ARF3: variants seen among roughly 807,000 people sequenced by gnomAD.
The protein encoded by ARF3 is ADP-ribosylation factor 3.
A neutral mutation model predicts 19.3 loss-of-function variants in ARF3; 5 were observed. The ratio of observed to expected loss-of-function variants is 0.26; its 90% CI spans 0.14 to 0.54. The LOEUF (loss-of-function observed/expected upper bound fraction) is 0.54, where lower values mean the gene tolerates loss of function less well. Ranked by LOEUF, ARF3 falls within the 20% of genes least tolerant of loss-of-function variation. ARF3 has a pLI of 0.95. For missense variants in ARF3, 77 were observed against 234.2 expected, an observed-to-expected ratio of 0.33 and a Z score of 4.38; for synonymous variants, 71 against 89.2, an observed-to-expected ratio of 0.80 and a Z score of 1.15.
At chr12:48,950,602 C>A (rs1940448459) in intron 1 of ARF3, among the ~76,000 whole-genome samples, 1 of 152,096 alleles carries the variant, frequency 6.6e-6, no homozygotes, top group Admixed American at 6.6e-5. Context: ...GTAACTATCA[C>A]AACTATTCAT....
chr12:48,941,100 A>G lies in ARF3; in HGVS notation c.-5T>C. Reference sequence around the variant, plus strand: ...GTTTCCAAAGATATTGCCCATGATCACAGCAGCTGCTTTCTGGGGACAGTG... The same window carrying G: ...GTTTCCAAAGATATTGCCCATGATCGCAGCAGCTGCTTTCTGGGGACAGTG... On this transcript the variant is annotated 5_prime_UTR_variant, in exon 2 of 5. Coordinates refer to ENST00000256682, the MANE Select transcript of ARF3 (RefSeq NM_001659.3). 1 of 1,609,236 alleles carries G rather than the reference A, an allele frequency of 6.2e-7. No homozygotes were observed. The highest frequency in any genetic ancestry group is 8.5e-7 in the Non-Finnish European group (1 of 1,177,378).
rs575276822 is a variant in ARF3, at chr12:48,955,086, C to T, written c.-94+2224G>A. On this transcript the variant is annotated intron_variant, in intron 1 of 4. Transcript: ENST00000256682. ...CCAACCTGGTTTTAAAGAAGTTCCT[C>T]CTTCTAACCAATAAATCCCACCCTC... Among the ~76,000 whole-genome samples, 3 of 152,324 alleles carry T rather than the reference C, an allele frequency of 2.0e-5. No individual in the cohort carries two copies. In the South Asian group the frequency reaches 6.2e-4, roughly 32 times the overall value.
intron 1 of ARF3, among the ~76,000 whole-genome samples, chr12:48,943,654 T>C (rs2137582246): frequency 6.6e-6 from 1 of 152,312 alleles, no homozygotes; most frequent in African/African-American, 2.4e-5. Context: ...TCCAGACTAG[T>C]GCAACTGAGC....
Position 48,940,937 on chromosome 12 carries a change from T to C in ARF3, c.148+11A>G. On this transcript the variant is annotated intron_variant, in intron 2 of 4. Transcript: ENST00000256682. ...CCGGCGTGAAAGCCCACATCCAAGCTGTGCTCTTACCAATGGTAGGGATGG... is the reference window on the plus strand; with the variant it reads ...CCGGCGTGAAAGCCCACATCCAAGCCGTGCTCTTACCAATGGTAGGGATGG... 2 of 1,588,766 alleles carry C rather than the reference T, an allele frequency of 1.3e-6. No homozygotes were observed. Among genetic ancestry groups the C allele is most frequent in the Non-Finnish European group, 1.7e-6 (2 of 1,165,270 alleles).
intron 1 of ARF3, among the ~76,000 whole-genome samples, chr12:48,942,609 T>C (rs1367298545): frequency 6.6e-6 from 1 of 152,204 alleles, no homozygotes; most frequent in African/African-American, 2.4e-5. Flanking sequence ...TGATACATTA[T>C]ATATTTATTT....
intron 2 of ARF3, 108 bp downstream of exon 2, chr12:48,940,840 T>C: frequency 7.3e-6 from 10 of 1,367,102 alleles, no homozygotes; most frequent in Non-Finnish European, 8.7e-6. Flanking sequence ...ACCCCACAAA[T>C]TGTATGGACT....
At chr12:48,946,900 A>G (rs1461614913) in intron 1 of ARF3, among the ~76,000 whole-genome samples, 1 of 152,178 alleles carries the variant, frequency 6.6e-6, no homozygotes, top group Non-Finnish European at 1.5e-5. Flanking sequence ...GTGCTATGAG[A>G]CACCTCTGAG....
chr12:48,942,698 T>C (rs943130006), intron 1 of ARF3, among the ~76,000 whole-genome samples: 2 of 152,224 alleles, frequency 1.3e-5, no homozygotes, highest in Non-Finnish European at 2.9e-5. Context: ...GTACCAAGAA[T>C]AGTGCCTAGC....
chr12:48,941,192 G>A lies in ARF3; in HGVS notation c.-93-4C>T. The A allele has an allele frequency of 1.5e-6, 2 of 1,343,216 alleles. No homozygotes were observed. The highest frequency in any genetic ancestry group is 1.5e-5 in the African/African-American group (1 of 67,132). The allele number at this position is 1,343,216 out of a possible 1,614,324, so 83.2% of individuals were successfully genotyped here. On this transcript the variant is annotated splice_region_variant and splice_polypyrimidine_tract_variant and intron_variant, in intron 1 of 4. Transcript: ENST00000256682. ...CCCTGGTATGGAAGACTTGATCCTA[G>A]ACAAAGGAAATGTAAAATCATACCA... is the stretch of plus-strand genomic sequence containing the variant.
At chr12:48,947,984 T>C (rs917297052) in intron 1 of ARF3, among the ~76,000 whole-genome samples, 10 of 145,134 alleles carry the variant, frequency 6.9e-5, no homozygotes, top group African/African-American at 2.0e-4. Context: ...TGCAAGAAGA[T>C]TGCCTGAGGC....
At chr12:48,940,180 G>A (rs867700778) in intron 2 of ARF3, 73 bp from the exon 3 acceptor site, 1 of 1,292,350 alleles carries the variant, frequency 7.7e-7, no homozygotes, top group East Asian at 2.3e-5. Context: ...CAATGAGTTT[G>A]GTTCTGCTTT....
intron 1 of ARF3, among the ~76,000 whole-genome samples, chr12:48,943,471 T>G (rs576925193): frequency 5.5e-4 from 84 of 151,998 alleles, no homozygotes; most frequent in African/African-American, 2.0e-3. Flanking sequence ...CACCCCAAAC[T>G]CAGCAGCCAA....
chr12:48,948,043 A>C (rs1347701661), intron 1 of ARF3, among the ~76,000 whole-genome samples: 1 of 127,190 alleles, frequency 7.9e-6, no homozygotes, highest in Non-Finnish European at 1.8e-5. Context: ...CCATCGCTAC[A>C]AAAAAAAAAA....
intron 1 of ARF3, among the ~76,000 whole-genome samples, chr12:48,950,299 A>G (rs1311877065): frequency 1.3e-5 from 2 of 152,018 alleles, no homozygotes; most frequent in Non-Finnish European, 2.9e-5. Context: ...AGGCTCGAGC[A>G]ATCCTCCCAC....
intron 1 of ARF3, among the ~76,000 whole-genome samples, chr12:48,944,840 G>C (rs1211438916): frequency 1.3e-5 from 2 of 152,162 alleles, no homozygotes; most frequent in Non-Finnish European, 2.9e-5. Context: ...TGGGACTGAT[G>C]AATAACTGAT....
chr12:48,955,418 G>T (rs532785567), intron 1 of ARF3, among the ~76,000 whole-genome samples: 2 of 152,188 alleles, frequency 1.3e-5, no homozygotes, highest in East Asian at 3.8e-4. Context: ...TGGGGAAGCA[G>T]GAAATCTGGG....
chr12:48,941,954 G>A (rs910597662), intron 1 of ARF3, among the ~76,000 whole-genome samples: 20 of 152,186 alleles, frequency 1.3e-4, no homozygotes, highest in African/African-American at 1.9e-4. Context: ...CCACATGGTC[G>A]CTGCAATGAG....
At chr12:48,947,305 CTTTTTTTT>C (rs201946318) in intron 1 of ARF3, among the ~76,000 whole-genome samples, 10 of 132,584 alleles carry the variant, frequency 7.5e-5, no homozygotes, top group African/African-American at 5.5e-5. Context: ...ATTCATCAAA[CTTTTTTTT>C]TTTTTTTTTT....
intron 2 of ARF3, among the ~76,000 whole-genome samples, chr12:48,940,625 C>T (rs1033951250): frequency 6.6e-6 from 1 of 152,214 alleles, no homozygotes; most frequent in Non-Finnish European, 1.5e-5. Flanking sequence ...GATCTAAACC[C>T]AAGTAATTCC....
Sources: gnomAD v4.1 joint callset for allele counts (sites outside exome capture counted in the v4.1 genomes callset) on GRCh38, gnomAD v4.1.1 for gene constraint, MANE v1.5 for transcripts, NCBI Gene and HGNC (gene_info 2026-07-23, HGNC 2026-07-21) for gene names.